AGAP1: variants seen among roughly 807,000 people sequenced by gnomAD.
AGAP1 encodes the protein arf-GAP with GTPase, ANK repeat and PH domain-containing protein 1.
In AGAP1, 29 loss-of-function variants were observed where a neutral mutation model predicts 105.3. The ratio of observed to expected loss-of-function variants is 0.28; its 90% confidence interval spans 0.21 to 0.38. The LOEUF (loss-of-function observed/expected upper bound fraction) is 0.38. Among genes scored for constraint, AGAP1 ranks in the 10% least tolerant of loss-of-function variants. The pLI, the probability that AGAP1 is intolerant of heterozygous loss-of-function variation, is 1.00. For missense variants in AGAP1, 998 were observed against 1,165.1 expected (o/e 0.86, Z 2.09); for synonymous variants, 509 against 485.9 (o/e 1.05, Z -0.63).
intron 13 of AGAP1, among the ~76,000 whole-genome samples, chr2:235,974,470 C>A (rs1297401704): frequency 1.3e-5 from 2 of 152,062 alleles, no homozygotes; most frequent in Non-Finnish European, 2.9e-5. Context: ...CTGGTGTTAT[C>A]CCCCCCTTGG....
At chr2:235,767,677 G>A (rs185892240) in intron 6 of AGAP1, among the ~76,000 whole-genome samples, 6 of 152,062 alleles carry the variant, frequency 3.9e-5, no homozygotes, top group African/African-American at 1.4e-4. Flanking sequence ...ATTAGCAGCT[G>A]CTGTGTTCCC....
chr2:236,118,364 G>A (rs1339039140), intron 16 of AGAP1, among the ~76,000 whole-genome samples: 2 of 151,498 alleles, frequency 1.3e-5, no homozygotes, highest in Admixed American at 6.6e-5. Context: ...CTTACATGTA[G>A]GGCTTTTCTT....
rs1049642243 is a variant in AGAP1, at chr2:235,512,517, C to A, written c.163+17668C>A. The stretch of plus-strand genomic sequence containing the variant: ...GCTGAGGTGAGAGGATTGCTTGAGC[C>A]TAGGAGGTTGAGGCTGCAGTGAGCC... On this transcript the variant is annotated intron_variant, in intron 1 of 17. Transcript: ENST00000304032. 6.6e-5 allele frequency among the ~76,000 whole-genome samples: 10 copies of A among 152,148 alleles called. 1 individual carries two copies. Among genetic ancestry groups the A allele is most frequent in the Non-Finnish European group, 1.3e-4 (9 of 67,988 alleles).
At position 235,747,247 on chromosome 2, in the gene AGAP1, T is replaced by A. The variant is rs1456908232; in HGVS notation, c.538+2408T>A. Among the ~76,000 whole-genome samples, 2 of 152,082 alleles carry A rather than the reference T, an allele frequency of 1.3e-5. No homozygotes were observed. The highest frequency in any genetic ancestry group is 2.9e-5 in the Non-Finnish European group (2 of 68,032). On this transcript the variant is annotated intron_variant, in intron 5 of 17. Transcript: ENST00000304032. The surrounding 1 kb of genome is among the most constrained non-coding windows in gnomAD (Gnocchi z 5.0). ...GGGCACATCGAGCCTCCTGCCAGGGTGGCTGCTTAGATTCTCGAGAAACCC... is the reference window on the plus strand; with the variant it reads ...GGGCACATCGAGCCTCCTGCCAGGGAGGCTGCTTAGATTCTCGAGAAACCC...
At chr2:235,607,555 G>T (rs1945987296) in intron 1 of AGAP1, among the ~76,000 whole-genome samples, 1 of 152,230 alleles carries the variant, frequency 6.6e-6, no homozygotes, top group Non-Finnish European at 1.5e-5. Context: ...TCAGAGGATG[G>T]AGATTGATCT....
In AGAP1 at chr2:236,069,019, C is replaced by T. The variant is rs377298195; in HGVS notation, c.2114+19738C>T. Among the ~76,000 whole-genome samples, 27 of 150,486 alleles carry T rather than the reference C, an allele frequency of 1.8e-4. No individual in the cohort carries two copies. The South Asian group carries it at 4.4e-3, about 25-fold the overall frequency. On this transcript the variant is annotated intron_variant, in intron 16 of 17. Transcript: ENST00000304032. ...GTGCATGCCTGTAATCCAAACTGCT[C>T]GGGAGGCTGAGGCAGAAGAATCACT...
In AGAP1 at chr2:236,062,743, C is replaced by A. The variant is rs1268650190; in HGVS notation, c.2114+13462C>A. Among the ~76,000 whole-genome samples the A allele has an allele frequency of 6.6e-6, 1 of 152,194 alleles. No homozygotes were observed. The highest frequency in any genetic ancestry group is 2.4e-5 in the African/African-American group (1 of 41,448). ...GTGGAGCAATCTTGGCTCACTGCAA[C>A]CTCCACCTCCTGGGTTCAAGCAAAT... On this transcript the variant is annotated intron_variant, in intron 16 of 17. Coordinates refer to ENST00000304032, the MANE Select transcript of AGAP1 (RefSeq NM_001037131.3). The surrounding 1 kb of genome is among the most constrained non-coding windows in gnomAD (Gnocchi z 4.2).
chr2:235,529,062 C>T (rs1394114838), intron 1 of AGAP1, among the ~76,000 whole-genome samples: 1 of 152,212 alleles, frequency 6.6e-6, no homozygotes, highest in African/African-American at 2.4e-5. Flanking sequence ...CTGAGAGCCA[C>T]AAAACACCAC....
At chr2:235,682,012 G>C (rs994225452) in intron 1 of AGAP1, among the ~76,000 whole-genome samples, 2 of 151,934 alleles carry the variant, frequency 1.3e-5, no homozygotes, top group African/African-American at 4.8e-5. Context: ...ACCACGCCCA[G>C]CTAATTTTTT....
intron 1 of AGAP1, among the ~76,000 whole-genome samples, chr2:235,581,978 A>G (rs1032476029): frequency 1.3e-5 from 2 of 152,198 alleles, no homozygotes; most frequent in African/African-American, 4.8e-5. Flanking sequence ...TGTTCACCCC[A>G]GGAAATTCTT....
chr2:235,869,745 A>T (rs2049349549), intron 9 of AGAP1, among the ~76,000 whole-genome samples: 1 of 152,222 alleles, frequency 6.6e-6, no homozygotes, highest in South Asian at 2.1e-4. Context: ...TTCTTTACTG[A>T]TGTATCTGAT....
At chr2:236,069,309 A>G (rs2058436184) in intron 16 of AGAP1, among the ~76,000 whole-genome samples, 3 of 152,224 alleles carry the variant, frequency 2.0e-5, no homozygotes, top group Non-Finnish European at 4.4e-5. Flanking sequence ...TTGAATATAT[A>G]TCATAAAATC....
chr2:235,563,075 T>G, intron 1 of AGAP1, among the ~76,000 whole-genome samples: 1 of 151,988 alleles, frequency 6.6e-6, no homozygotes, highest in East Asian at 1.9e-4. Context: ...TAAAATAAAA[T>G]AAGTACAGTC....
intron 6 of AGAP1, among the ~76,000 whole-genome samples, chr2:235,755,223 T>C (rs1298323648): frequency 6.6e-6 from 1 of 152,232 alleles, no homozygotes; most frequent in Non-Finnish European, 1.5e-5. Context: ...TGTCAGATTC[T>C]GCATGGCTCT....
chr2:235,655,144 A>T lies in AGAP1; in HGVS notation c.164-54035A>T, dbSNP rs990009795. ...GACACAAGGTCAGCATAGATTTAAC[A>T]GGAGACATAAGCTTTGAAAATTTAT... is the stretch of plus-strand genomic sequence containing the variant. On this transcript the variant is annotated intron_variant, in intron 1 of 17. Coordinates refer to ENST00000304032, the MANE Select transcript of AGAP1 (RefSeq NM_001037131.3). The surrounding 1 kb of genome is among the most constrained non-coding windows in gnomAD (Gnocchi z 4.3). Among the ~76,000 whole-genome samples the T allele has an allele frequency of 2.0e-5, 3 of 152,018 alleles. No homozygotes were observed. The highest frequency in any genetic ancestry group is 7.3e-5 in the African/African-American group (3 of 41,364).
rs373757351 is a variant in AGAP1 at position 236,063,241 on chromosome 2, C to T, written c.2114+13960C>T. ...CCCACCTGGGATTACAGGTACCCGC[C>T]ACCATTAATGGCTAATTTTTGTATA... On this transcript the variant is annotated intron_variant, in intron 16 of 17. Coordinates refer to ENST00000304032, the MANE Select transcript of AGAP1 (RefSeq NM_001037131.3). 2.6e-5 allele frequency among the ~76,000 whole-genome samples: 4 copies of T among 152,250 alleles called. No homozygotes were observed. In the East Asian group the frequency reaches 7.7e-4, roughly 29 times the overall value.
At position 235,589,199 on chromosome 2, in the gene AGAP1, T is replaced by A. The variant is rs962451813; in HGVS notation, c.163+94350T>A. Among the ~76,000 whole-genome samples, 166 of 98,748 alleles carry A rather than the reference T, an allele frequency of 1.7e-3. 3 individuals carry two copies. The highest frequency in any genetic ancestry group is 1.7e-3 in the Non-Finnish European group (94 of 56,856). 64.8% of individuals were successfully genotyped at this position (98,748 alleles called of 152,430 possible). A position where few individuals can be genotyped will look rare whatever the true frequency, so the allele number is the denominator to read the frequency against. On this transcript the variant is annotated intron_variant, in intron 1 of 17. Coordinates refer to ENST00000304032, the MANE Select transcript of AGAP1 (RefSeq NM_001037131.3). ...AGTTAATAGCTTATTGTTTTGTTTT[T>A]TTTTTTTTTTTTTTTTTTTTTTTGA...
chr2:236,031,791 GT>G (rs1297148336), intron 13 of AGAP1, among the ~76,000 whole-genome samples: 1 of 152,078 alleles, frequency 6.6e-6, no homozygotes, highest in Admixed American at 6.5e-5. Context: ...TCAGACAGAA[GT>G]TCCCTGTGCT....
chr2:236,022,365 C>A (rs2056913519), intron 13 of AGAP1, among the ~76,000 whole-genome samples: 1 of 152,172 alleles, frequency 6.6e-6, no homozygotes, highest in South Asian at 2.1e-4. Flanking sequence ...AAGATGTTGA[C>A]CAAATTCAGA....
Sources: allele counts gnomAD v4.1 joint callset (sites outside exome capture counted in the v4.1 genomes callset), GRCh38; gene constraint gnomAD v4.1.1; non-coding constraint Gnocchi (gnomAD v3.1); transcripts MANE v1.5; gene names NCBI Gene and HGNC (gene_info 2026-07-23, HGNC 2026-07-21).